The following DPP6 variants were observed in gnomAD, a reference collection of about 807,000 sequenced individuals.
DPP6 encodes the protein A-type potassium channel modulatory protein DPP6.
A neutral mutation model predicts 122.6 loss-of-function variants in DPP6; 69 were observed. The ratio of observed to expected loss-of-function variants is 0.56; its 90% CI spans 0.46 to 0.69. The LOEUF (loss-of-function observed/expected upper bound fraction) is 0.69, where lower values mean the gene tolerates loss of function less well. DPP6 is among the 30% of genes least tolerant of loss of function. DPP6 has a pLI of 0.00. For synonymous variants in DPP6, 418 were observed against 433.1 expected (o/e 0.97, Z 0.43); for missense variants, 928 against 1,116.9 (o/e 0.83, Z 2.41).
chr7:154,061,694 C>A (rs1465372494), intron 1 of DPP6, among the ~76,000 whole-genome samples: 95 of 85,228 alleles, frequency 1.1e-3, no homozygotes, highest in Middle Eastern at 6.0e-3. Context: ...GGACCACCAT[C>A]GCAGGGGGGG....
At chr7:153,949,583 G>A (rs553450614) in intron 1 of DPP6, among the ~76,000 whole-genome samples, 4 of 152,274 alleles carry the variant, frequency 2.6e-5, no homozygotes, top group African/African-American at 9.6e-5. Flanking sequence ...AACTTGTTTT[G>A]TGTCTCTTCA....
intron 1 of DPP6, among the ~76,000 whole-genome samples, chr7:154,256,255 A>G (rs1387508109): frequency 6.6e-6 from 1 of 152,138 alleles, no homozygotes; most frequent in Non-Finnish European, 1.5e-5. Context: ...ATTTATCTTG[A>G]TTAGTGGAAA....
intron 1 of DPP6, among the ~76,000 whole-genome samples, chr7:154,253,073 C>A (rs924334798): frequency 1.3e-5 from 2 of 152,184 alleles, no homozygotes; most frequent in Admixed American, 6.5e-5. Context: ...GCAGAGTAAA[C>A]GCATGTATAT....
chr7:154,149,734 T>A (rs1796314297), intron 1 of DPP6, among the ~76,000 whole-genome samples: 1 of 152,152 alleles, frequency 6.6e-6, no homozygotes, highest in Non-Finnish European at 1.5e-5. Context: ...CCAAATGTTA[T>A]AGGGGAAGTT....
At chr7:154,783,927 G>A (rs79844580) in intron 10 of DPP6, among the ~76,000 whole-genome samples, 3 of 152,118 alleles carry the variant, frequency 2.0e-5, no homozygotes, top group African/African-American at 7.2e-5. Flanking sequence ...CTTTCTTGGA[G>A]GCTATCTCTT....
At chr7:154,230,668 A>G (rs1029432864) in intron 1 of DPP6, among the ~76,000 whole-genome samples, 4 of 152,354 alleles carry the variant, frequency 2.6e-5, no homozygotes, top group South Asian at 4.1e-4. Flanking sequence ...AGCCTCAGCC[A>G]TCTGTCACTC....
At chr7:154,525,482 G>A (rs539751765) in intron 3 of DPP6, among the ~76,000 whole-genome samples, 2 of 152,172 alleles carry the variant, frequency 1.3e-5, no homozygotes, top group South Asian at 4.1e-4. Flanking sequence ...TAAAAATGTG[G>A]GTCTCTTTTC....
At chr7:154,637,214 T>C (rs545273355) in intron 5 of DPP6, among the ~76,000 whole-genome samples, 1 of 152,278 alleles carries the variant, frequency 6.6e-6, no homozygotes, top group South Asian at 2.1e-4. Context: ...GGAAGCACTG[T>C]TTTTCTGGTT....
chr7:154,658,865 A>T (rs1410314183), intron 6 of DPP6, among the ~76,000 whole-genome samples: 1 of 152,248 alleles, frequency 6.6e-6, no homozygotes, highest in East Asian at 1.9e-4. Context: ...TGCATTTGTC[A>T]TTCCCAAAGG....
chr7:154,232,740 A>G (rs1800989691), intron 1 of DPP6, among the ~76,000 whole-genome samples: 1 of 152,196 alleles, frequency 6.6e-6, no homozygotes, highest in South Asian at 2.1e-4. Flanking sequence ...AGCTCACATC[A>G]GGGTATCTAT....
At chr7:153,886,414 G>A (rs1453192640), upstream of DPP6, among the ~76,000 whole-genome samples, 1 of 151,572 alleles carries the variant, frequency 6.6e-6, no homozygotes, top group African/African-American at 2.4e-5. Flanking sequence ...ATTTGGCCCC[G>A]GCCAGTGCTG....
chr7:154,692,540 G>C (rs920286681), intron 7 of DPP6, among the ~76,000 whole-genome samples: 4 of 152,092 alleles, frequency 2.6e-5, no homozygotes, highest in African/African-American at 9.7e-5. Flanking sequence ...TTCAGAGTTT[G>C]TAGGGAAATC....
the DPP6 span, among the ~76,000 whole-genome samples, chr7:153,813,320 TC>T: frequency 2.0e-5 from 3 of 152,136 alleles, no homozygotes; most frequent in Non-Finnish European, 4.4e-5. Context: ...AATGATGATT[TC>T]CAATTTCATC....
chr7:153,813,849 C>T, the DPP6 span, among the ~76,000 whole-genome samples: 8 of 151,982 alleles, frequency 5.3e-5, no homozygotes, highest in African/African-American at 1.7e-4. Context: ...TGTTCATGTC[C>T]TTCGCCCACT....
intron 1 of DPP6, among the ~76,000 whole-genome samples, chr7:153,927,572 T>G (rs913794673): frequency 6.6e-6 from 1 of 152,224 alleles, no homozygotes; most frequent in African/African-American, 2.4e-5. Flanking sequence ...CCAGAAGATA[T>G]GGCCAACTAA....
chr7:153,798,094 G>A, the DPP6 span, among the ~76,000 whole-genome samples: 56 of 152,012 alleles, frequency 3.7e-4, no homozygotes, highest in East Asian at 9.7e-4. Context: ...CGCCCGCCTC[G>A]GCCTCCCAAA....
chr7:153,799,714 G>A, the DPP6 span, among the ~76,000 whole-genome samples: 2 of 152,118 alleles, frequency 1.3e-5, no homozygotes, highest in Non-Finnish European at 2.9e-5. Context: ...ATTTTCTTCT[G>A]TGATCATTAA....
chr7:154,842,463 G>A (rs745338790), intron 16 of DPP6, among the ~76,000 whole-genome samples: 2 of 152,096 alleles, frequency 1.3e-5, no homozygotes, highest in South Asian at 2.1e-4. Context: ...CCCTCCAGTT[G>A]AGCAGGTGAA....
intron 1 of DPP6, among the ~76,000 whole-genome samples, chr7:153,978,855 T>C (rs1796438920): frequency 6.6e-6 from 1 of 152,048 alleles, no homozygotes; most frequent in Admixed American, 6.5e-5. Flanking sequence ...ATCAGATGGT[T>C]GTAGTTGTGC....
Sources: allele counts gnomAD v4.1 joint callset (sites outside exome capture counted in the v4.1 genomes callset), GRCh38; gene constraint gnomAD v4.1.1; transcripts MANE v1.5; gene names NCBI Gene and HGNC (gene_info 2026-07-23, HGNC 2026-07-21).